Variants in KIRREL3 observed in about 807,000 individuals in gnomAD.
KIRREL3 encodes the protein kirre like nephrin family adhesion molecule 3, also known as kin of IRRE-like protein 3.
A neutral mutation model predicts 89.7 loss-of-function variants in KIRREL3; 36 were observed. That is an observed-to-expected ratio of 0.40 (90% CI 0.31 to 0.53). The LOEUF is 0.53. Among genes scored for constraint, KIRREL3 ranks in the 20% least tolerant of loss-of-function variants. KIRREL3 has a pLI of 0.49. For synonymous variants in KIRREL3, 445 were observed against 441.4 expected (o/e 1.01, Z -0.10); for missense variants, 864 against 1,056.6 (o/e 0.82, Z 2.53).
At chr11:127,001,190 G>A (rs1036511764), upstream of KIRREL3, 1 of 152,132 alleles carries the variant, frequency 6.6e-6, no homozygotes, top group Non-Finnish European at 1.5e-5. Flanking sequence ...CTAGGAAGGG[G>A]GGGTGCGCAT....
At chr11:126,973,779 T>C (rs1162893338) in intron 1 of KIRREL3, among the ~76,000 whole-genome samples, 1 of 152,190 alleles carries the variant, frequency 6.6e-6, no homozygotes, top group Non-Finnish European at 1.5e-5. Flanking sequence ...CTACACTGCT[T>C]GGCAAGGAGG....
chr11:126,541,092 A>T lies in KIRREL3; in HGVS notation c.134-14405T>A, dbSNP rs111536321. Among the ~76,000 whole-genome samples the T allele has an allele frequency of 5.0e-4, 76 of 152,306 alleles. No homozygotes were observed. The highest frequency in any genetic ancestry group is 1.7e-3 in the African/African-American group (72 of 41,564). On this transcript the variant is annotated intron_variant, in intron 2 of 16. Transcript: ENST00000525144. This position sits in a 1 kb window ranked among gnomAD's most constrained non-coding sequence, Gnocchi z 4.8. ...GACAGAGTGCCCATCAACCCCTCTCAGAGGGCGTCAGCGTGGGCACCACCA... is the reference window on the plus strand; with the variant it reads ...GACAGAGTGCCCATCAACCCCTCTCTGAGGGCGTCAGCGTGGGCACCACCA...
At chr11:126,958,840 G>A (rs1949000201) in intron 1 of KIRREL3, among the ~76,000 whole-genome samples, 1 of 152,010 alleles carries the variant, frequency 6.6e-6, no homozygotes, top group African/African-American at 2.4e-5. Flanking sequence ...CCCTTGTGAT[G>A]GTTAATTTTA....
Position 126,424,837 on chromosome 11 carries a change from G to A in KIRREL3, c.2080C>T (p.Arg694Trp), listed in dbSNP as rs774276006. The change falls in exon 17 of 17, where the codon CGG (arginine) becomes TGG (tryptophan). Residue 694 changes from arginine to tryptophan, a missense_variant. Physicochemically the swap from Arg to Trp is moderately radical, Grantham distance 101 (BLOSUM62 -3). Transcript: ENST00000525144. ...GQGRLYDYGQ[R>W]FVLGMGSSSI... is the part of the protein sequence containing the mutation. ...GAGCTGCCCATGCCCAGCACAAACCGCTGCCCGTAGTCGTAGAGGCGGCCC... is the reference window on the plus strand; with the variant it reads ...GAGCTGCCCATGCCCAGCACAAACCACTGCCCGTAGTCGTAGAGGCGGCCC... The A allele has an allele frequency of 9.3e-6, 15 of 1,613,986 alleles. No individual in the cohort carries two copies. Among genetic ancestry groups the A allele is most frequent in the Admixed American group, 6.7e-5 (4 of 60,026 alleles).
In KIRREL3 at chr11:126,923,129, CTCT is replaced by C. The variant is rs1187627189; in HGVS notation, c.55+77323_55+77325del. Reference sequence around the variant, plus strand: ...CCTTCTCCTTCTCCTTCTCCTTCTTCTCTTCTTCTTCTTCTTCTTCTTCTTCTT... The same window carrying C: ...CCTTCTCCTTCTCCTTCTCCTTCTTCTCTTCTTCTTCTTCTTCTTCTTCTT... On this transcript the variant is annotated intron_variant, in intron 1 of 16. Coordinates refer to ENST00000525144, the MANE Select transcript of KIRREL3 (RefSeq NM_032531.4). Among the ~76,000 whole-genome samples the C allele has an allele frequency of 4.0e-3, 103 of 25,736 alleles. 20 individuals are homozygous for C. The highest frequency in any genetic ancestry group is 6.2e-3 in the South Asian group (4 of 642). The allele number at this position is 25,736 out of a possible 152,430, so 16.9% of individuals were successfully genotyped here. A position where few individuals can be genotyped will look rare whatever the true frequency, so the allele number is the denominator to read the frequency against.
chr11:126,781,712 C>A (rs553805558), intron 1 of KIRREL3, among the ~76,000 whole-genome samples: 12 of 152,304 alleles, frequency 7.9e-5, no homozygotes, highest in African/African-American at 2.2e-4. Context: ...TCGGCCCATG[C>A]ATCACGCAAG....
At position 126,948,645 on chromosome 11, in the gene KIRREL3, T is replaced by C. The variant is rs1948689550; in HGVS notation, c.55+51810A>G. Reference sequence around the variant, plus strand: ...ATTCAGAGCTTGACCAGTGCTCTTTTTTGCTTTCTTCAAAATCTGGCTAGG... The same window carrying C: ...ATTCAGAGCTTGACCAGTGCTCTTTCTTGCTTTCTTCAAAATCTGGCTAGG... On this transcript the variant is annotated intron_variant, in intron 1 of 16. Transcript: ENST00000525144. The surrounding 1 kb of genome is among the most constrained non-coding windows in gnomAD (Gnocchi z 4.5). Among the ~76,000 whole-genome samples, 1 of 152,248 alleles carries C rather than the reference T, an allele frequency of 6.6e-6. No individual in the cohort carries two copies. Among genetic ancestry groups the C allele is most frequent in the African/African-American group, 2.4e-5 (1 of 41,464 alleles).
chr11:126,727,317 C>T (rs937089949), intron 1 of KIRREL3, among the ~76,000 whole-genome samples: 1 of 152,262 alleles, frequency 6.6e-6, no homozygotes, highest in African/African-American at 2.4e-5. Context: ...GCTACCTCTC[C>T]TTCCTCACCT....
At chr11:126,926,071 A>G (rs764797571) in intron 1 of KIRREL3, among the ~76,000 whole-genome samples, 4 of 152,024 alleles carry the variant, frequency 2.6e-5, no homozygotes, top group Non-Finnish European at 4.4e-5. Context: ...TCTGCCTCGA[A>G]CCCCTTACCC....
chr11:126,473,519 C>A, intron 4 of KIRREL3, 53 bp from the exon 5 acceptor site: 1 of 1,457,196 alleles, frequency 6.9e-7, no homozygotes. Flanking sequence ...TCGGGCAGGA[C>A]GGCAGGCAGG....
chr11:126,451,780 G>C (rs926995775), intron 7 of KIRREL3, among the ~76,000 whole-genome samples: 2 of 149,910 alleles, frequency 1.3e-5, no homozygotes, highest in African/African-American at 4.9e-5. Flanking sequence ...AGAGTTCTCC[G>C]TTTCCCCTGG....
Position 126,844,166 on chromosome 11 carries a change from C to T in KIRREL3, c.55+156289G>A, listed in dbSNP as rs568298853. On this transcript the variant is annotated intron_variant, in intron 1 of 16. Coordinates refer to ENST00000525144, the MANE Select transcript of KIRREL3 (RefSeq NM_032531.4). The surrounding 1 kb of genome is among the most constrained non-coding windows in gnomAD (Gnocchi z 4.8). ...CCCAGGTGGGACAATAGTGAGGAAA[C>T]CCCCAATCCAAAGGCTAACTTTGGG... Among the ~76,000 whole-genome samples the T allele has an allele frequency of 9.6e-4, 146 of 152,260 alleles. 2 individuals carry two copies. The highest frequency in any genetic ancestry group is 3.1e-3 in the African/African-American group (128 of 41,558).
Position 126,891,721 on chromosome 11 carries a change from G to A in KIRREL3, c.55+108734C>T, listed in dbSNP as rs538415619. On this transcript the variant is annotated intron_variant, in intron 1 of 16. Transcript: ENST00000525144. This position sits in a 1 kb window ranked among gnomAD's most constrained non-coding sequence, Gnocchi z 5.1. The stretch of plus-strand genomic sequence containing the variant: ...GCAGCCCTGACCGGCTGACTCAAAG[G>A]AAGTTGGCTGGCAGGTTCTGCGATC... 5.9e-5 allele frequency among the ~76,000 whole-genome samples: 9 copies of A among 152,210 alleles called. No individual in the cohort carries two copies. The highest frequency in any genetic ancestry group is 1.0e-4 in the Non-Finnish European group (7 of 68,032).
At chr11:126,923,129 C>CCT (rs1555090095) in intron 1 of KIRREL3, among the ~76,000 whole-genome samples, 269 of 25,718 alleles carry the variant, frequency 0.01, 58 homozygotes, top group Admixed American at 0.014. Context: ...TCTCCTTCTT[C>CCT]TCTTCTTCTT....
In KIRREL3 at chr11:126,908,716, G is replaced by T. The variant is rs543181215; in HGVS notation, c.55+91739C>A. On this transcript the variant is annotated intron_variant, in intron 1 of 16. Coordinates refer to ENST00000525144, the MANE Select transcript of KIRREL3 (RefSeq NM_032531.4). This position sits in a 1 kb window ranked among gnomAD's most constrained non-coding sequence, Gnocchi z 4.2. The stretch of plus-strand genomic sequence containing the variant: ...ACCAGAAACTGGGGATTCCACAGTA[G>T]ATTAAATATAATAGTTTCTGCTTTT... Among the ~76,000 whole-genome samples the T allele has an allele frequency of 2.6e-5, 4 of 152,152 alleles. No individual in the cohort carries two copies. Among genetic ancestry groups the T allele is most frequent in the Non-Finnish European group, 4.4e-5 (3 of 68,028 alleles).
chr11:126,537,113 C>T lies in KIRREL3; in HGVS notation c.134-10426G>A, dbSNP rs1937960025. ...CATGACCACTCCCCTTAGGATTAAA[C>T]CCAGTCAGACCTGGACAGGAAGTGA... On this transcript the variant is annotated intron_variant, in intron 2 of 16. Transcript: ENST00000525144. The surrounding 1 kb of genome is among the most constrained non-coding windows in gnomAD (Gnocchi z 4.3). Among the ~76,000 whole-genome samples the T allele has an allele frequency of 6.6e-6, 1 of 152,192 alleles. No individual in the cohort carries two copies. Among genetic ancestry groups the T allele is most frequent in the Non-Finnish European group, 1.5e-5 (1 of 68,038 alleles).
At chr11:126,839,260 G>A (rs1378809106) in intron 1 of KIRREL3, among the ~76,000 whole-genome samples, 3 of 152,170 alleles carry the variant, frequency 2.0e-5, no homozygotes, top group Non-Finnish European at 4.4e-5. Context: ...TGGGGTGAAG[G>A]CACCTGCCTT....
intron 1 of KIRREL3, among the ~76,000 whole-genome samples, chr11:126,875,437 G>A (rs139370978): frequency 6.6e-6 from 1 of 152,306 alleles, no homozygotes; most frequent in East Asian, 1.9e-4. Flanking sequence ...ACAAAACTGA[G>A]TGACTCTTTA....
rs1838574434 is a variant in KIRREL3 at position 126,627,238 on chromosome 11, G to T, written c.56-64326C>A. On this transcript the variant is annotated intron_variant, in intron 1 of 16. Coordinates refer to ENST00000525144, the MANE Select transcript of KIRREL3 (RefSeq NM_032531.4). This position sits in a 1 kb window ranked among gnomAD's most constrained non-coding sequence, Gnocchi z 5.0. The stretch of plus-strand genomic sequence containing the variant: ...GAGCCAGGGCACAGAGTGTGAAAGG[G>T]ACCTATTTGGGAGAGGTGGCTGTAG... Among the ~76,000 whole-genome samples, 1 of 152,194 alleles carries T rather than the reference G, an allele frequency of 6.6e-6. No individual in the cohort carries two copies. Among genetic ancestry groups the T allele is most frequent in the Admixed American group, 6.5e-5 (1 of 15,284 alleles).
Sources: gnomAD v4.1 joint callset for allele counts (sites outside exome capture counted in the v4.1 genomes callset) on GRCh38, gnomAD v4.1.1 for gene constraint, Gnocchi (gnomAD v3.1) non-coding constraint, MANE v1.5 for transcripts, NCBI Gene and HGNC (gene_info 2026-07-23, HGNC 2026-07-21) for gene names.